UNC5D: variants seen among roughly 807,000 people sequenced by gnomAD.
UNC5D encodes the protein netrin receptor UNC5D.
UNC5D carries 39 observed loss-of-function variants against 105.4 expected under a neutral mutation model. The observed-to-expected ratio is 0.37, with a 90% CI of 0.29 to 0.48. The LOEUF (loss-of-function observed/expected upper bound fraction) is 0.48, where lower values mean the gene tolerates loss of function less well. Ranked by LOEUF, UNC5D falls within the 20% of genes least tolerant of loss-of-function variation. The probability of loss-of-function intolerance (pLI) is 0.98; values close to 1 mark genes in which losing one functional copy is unlikely to be tolerated. For synonymous variants in UNC5D, 452 were observed against 450.4 expected, an observed-to-expected ratio of 1.00 and a Z score of -0.04; for missense variants, 991 against 1,202.4, an observed-to-expected ratio of 0.82 and a Z score of 2.60.
intron 1 of UNC5D, among the ~76,000 whole-genome samples, chr8:35,361,294 G>A (rs1801837263): frequency 6.6e-6 from 1 of 151,992 alleles, no homozygotes; most frequent in Admixed American, 6.6e-5. Flanking sequence ...CAACTCATTT[G>A]TAGAAAAAAA....
intron 4 of UNC5D, among the ~76,000 whole-genome samples, chr8:35,656,178 A>G (rs1823722223): frequency 6.6e-6 from 1 of 152,100 alleles, no homozygotes; most frequent in African/African-American, 2.4e-5. Context: ...TCTTCCACAA[A>G]CCACTGCTTA....
intron 1 of UNC5D, among the ~76,000 whole-genome samples, chr8:35,323,115 A>T (rs1809871961): frequency 6.6e-6 from 1 of 151,458 alleles, no homozygotes; most frequent in Non-Finnish European, 1.5e-5. Flanking sequence ...AAAGATAAAT[A>T]TTAATTTATT....
intron 9 of UNC5D, chr8:35,724,020 C>A: frequency 1.4e-6 from 1 of 720,564 alleles, no homozygotes; most frequent in Non-Finnish European, 1.9e-6. Flanking sequence ...CTCACAAATG[C>A]AGCGAATAGA....
chr8:35,555,614 T>C (rs1247301011), intron 2 of UNC5D, among the ~76,000 whole-genome samples: 1 of 151,722 alleles, frequency 6.6e-6, no homozygotes, highest in Non-Finnish European at 1.5e-5. Context: ...GATCACAAGG[T>C]CAAGAGATCA....
At chr8:35,357,145 C>T (rs1338833099) in intron 1 of UNC5D, among the ~76,000 whole-genome samples, 1 of 152,072 alleles carries the variant, frequency 6.6e-6, no homozygotes, top group Non-Finnish European at 1.5e-5. Flanking sequence ...CCAGTTTTAT[C>T]TCCCTCCTCT....
intron 7 of UNC5D, among the ~76,000 whole-genome samples, chr8:35,687,633 G>A (rs552336907): frequency 6.6e-6 from 1 of 152,148 alleles, no homozygotes; most frequent in South Asian, 2.1e-4. Context: ...TAGAAGGCAT[G>A]GGAGGGTCAA....
chr8:35,422,963 A>C (rs1420058783), intron 1 of UNC5D, among the ~76,000 whole-genome samples: 1 of 152,184 alleles, frequency 6.6e-6, no homozygotes, highest in Non-Finnish European at 1.5e-5. Flanking sequence ...CAAAGCCTCC[A>C]CAAGTTTCAG....
chr8:35,421,592 A>T (rs1805902883), intron 1 of UNC5D, among the ~76,000 whole-genome samples: 1 of 152,098 alleles, frequency 6.6e-6, no homozygotes, highest in Admixed American at 6.6e-5. Flanking sequence ...TATAATGTAA[A>T]CAATTTTTTA....
chr8:35,402,820 C>A (rs1200090597), intron 1 of UNC5D, among the ~76,000 whole-genome samples: 1 of 152,050 alleles, frequency 6.6e-6, no homozygotes, highest in African/African-American at 2.4e-5. Flanking sequence ...AGTACTGTGG[C>A]CCTTAAGGGA....
At chr8:35,578,283 A>G (rs1818237349) in intron 3 of UNC5D, among the ~76,000 whole-genome samples, 1 of 140,610 alleles carries the variant, frequency 7.1e-6, no homozygotes, top group South Asian at 2.3e-4. Context: ...AAAAAAAAAG[A>G]AAGAGAAAAG....
chr8:35,713,147 C>T (rs59087360), intron 8 of UNC5D, among the ~76,000 whole-genome samples: 4,316 of 151,954 alleles, frequency 0.028, 217 homozygotes, highest in African/African-American at 0.098. Flanking sequence ...TGACTTTGCC[C>T]TTAATGGACA....
intron 16 of UNC5D, among the ~76,000 whole-genome samples, chr8:35,783,754 G>T (rs915287772): frequency 6.6e-6 from 1 of 152,070 alleles, no homozygotes; most frequent in South Asian, 2.1e-4. Flanking sequence ...AAGAAAGGGT[G>T]GTATCTCTAG....
intron 8 of UNC5D, among the ~76,000 whole-genome samples, chr8:35,715,399 T>TA (rs1207129671): frequency 2.6e-5 from 4 of 152,236 alleles, no homozygotes; most frequent in African/African-American, 9.6e-5. Context: ...AGCTTGCTTT[T>TA]TGCATAGTAT....
chr8:35,249,020 T>C (rs1193247687), intron 1 of UNC5D, among the ~76,000 whole-genome samples: 4 of 41,772 alleles, frequency 9.6e-5, no homozygotes, highest in African/African-American at 2.3e-4. Context: ...ATATATATTA[T>C]ATATGTTTAT....
At position 35,631,268 on chromosome 8, in the gene UNC5D, C is replaced by T. The variant is rs181759836; in HGVS notation, c.570+35611C>T. On this transcript the variant is annotated intron_variant, in intron 4 of 16. Coordinates refer to ENST00000404895, the MANE Select transcript of UNC5D (RefSeq NM_080872.4). Reference sequence around the variant, plus strand: ...GGCGGAGGTTTCAGTGAGCCGAGATCATGCCACTGCACTCCAGCCTGGGCA... The same window carrying T: ...GGCGGAGGTTTCAGTGAGCCGAGATTATGCCACTGCACTCCAGCCTGGGCA... 7.5e-4 allele frequency among the ~76,000 whole-genome samples: 113 copies of T among 150,312 alleles called. 1 individual carries two copies. Among genetic ancestry groups the T allele is most frequent in the African/African-American group, 2.1e-3 (86 of 40,824 alleles).
chr8:35,314,016 C>T lies in UNC5D; in HGVS notation c.103+78129C>T, dbSNP rs541749046. ...AGAATGGAAATGTTGTTCTAATTTT[C>T]GAAATTGATGGAACATTTGGATTCT... On this transcript the variant is annotated intron_variant, in intron 1 of 16. Transcript: ENST00000404895. Among the ~76,000 whole-genome samples the T allele has an allele frequency of 2.8e-3, 424 of 152,136 alleles. 2 individuals are homozygous for T. The highest frequency in any genetic ancestry group is 9.4e-3 in the African/African-American group (391 of 41,512).
chr8:35,515,450 C>T (rs542593449), intron 1 of UNC5D, among the ~76,000 whole-genome samples: 3 of 152,166 alleles, frequency 2.0e-5, no homozygotes, highest in South Asian at 2.1e-4. Context: ...TTTGGGAGAC[C>T]GAGGTGGGCG....
intron 4 of UNC5D, among the ~76,000 whole-genome samples, chr8:35,606,923 G>A (rs757952825): frequency 2.0e-5 from 3 of 152,160 alleles, no homozygotes; most frequent in African/African-American, 4.8e-5. Context: ...CTGGCTTCTA[G>A]GAGGTGAGCA....
intron 1 of UNC5D, among the ~76,000 whole-genome samples, chr8:35,454,905 G>A (rs1808384240): frequency 6.6e-6 from 1 of 152,106 alleles, no homozygotes; most frequent in African/African-American, 2.4e-5. Flanking sequence ...CCTGACTCAG[G>A]CACAGTTCTC....
Sources: gnomAD v4.1 joint callset for allele counts (sites outside exome capture counted in the v4.1 genomes callset) on GRCh38, gnomAD v4.1.1 for gene constraint, MANE v1.5 for transcripts, NCBI Gene and HGNC (gene_info 2026-07-23, HGNC 2026-07-21) for gene names.